The following SLC71A2 variants were observed in gnomAD, a reference collection of about 807,000 sequenced individuals.
SLC71A2 encodes hippocampus abundant transcript-like 1.
the SLC71A2 span, among the ~76,000 whole-genome samples, chr9:94,377,186 T>C: frequency 1.3e-5 from 2 of 151,662 alleles, no homozygotes; most frequent in South Asian, 2.1e-4. Flanking sequence ...AATTATGTGT[T>C]TTTCCTGTTT....
the SLC71A2 span, chr9:94,445,296 TAAAAATAGA>T: frequency 1.2e-6 from 1 of 849,018 alleles, no homozygotes; most frequent in South Asian, 1.8e-5. Flanking sequence ...ATTTCTTTAG[TAAAAATAGA>T]AAAAATTAAT....
At chr9:94,424,246 G>GC in the SLC71A2 span, among the ~76,000 whole-genome samples, 1 of 148,878 alleles carries the variant, frequency 6.7e-6, no homozygotes, top group African/African-American at 2.5e-5. Flanking sequence ...TTTTGGCGGA[G>GC]GGGGGAGCAA....
At chr9:94,416,851 T>C in the SLC71A2 span, among the ~76,000 whole-genome samples, 1 of 98,888 alleles carries the variant, frequency 1.0e-5, no homozygotes, top group Non-Finnish European at 2.0e-5. Flanking sequence ...CAAAACTCCA[T>C]CTCAAAAAAA....
the SLC71A2 span, among the ~76,000 whole-genome samples, chr9:94,392,020 C>T: frequency 6.6e-6 from 1 of 152,148 alleles, no homozygotes; most frequent in Non-Finnish European, 1.5e-5. Flanking sequence ...GCCTTCCCCC[C>T]ACCCCCTTTA....
chr9:94,391,651 G>T, the SLC71A2 span, among the ~76,000 whole-genome samples: 103 of 150,156 alleles, frequency 6.9e-4, 1 homozygote, highest in Admixed American at 2.6e-3. Flanking sequence ...ACTTTGGGAG[G>T]TTGAGGCGGG....
the SLC71A2 span, among the ~76,000 whole-genome samples, chr9:94,384,938 G>C: frequency 1.4e-4 from 21 of 151,798 alleles, no homozygotes; most frequent in Non-Finnish European, 2.5e-4. Flanking sequence ...ATAAAATAAT[G>C]AGTTTGGCTC....
At chr9:94,410,375 T>A in the SLC71A2 span, among the ~76,000 whole-genome samples, 2 of 151,406 alleles carry the variant, frequency 1.3e-5, no homozygotes, top group East Asian at 3.9e-4. Context: ...AGTGCCAGGA[T>A]TACTGGCATG....
chr9:94,431,372 A>G, the SLC71A2 span, among the ~76,000 whole-genome samples: 1 of 151,928 alleles, frequency 6.6e-6, no homozygotes, highest in Non-Finnish European at 1.5e-5. Flanking sequence ...GTAGTTCGTT[A>G]TTTTCATAGC....
chr9:94,433,058 C>G, the SLC71A2 span: 1 of 403,872 alleles, frequency 2.5e-6, no homozygotes. Flanking sequence ...TCAGGAGCTC[C>G]TGGGGTGCTA....
At chr9:94,398,497 T>C in the SLC71A2 span, among the ~76,000 whole-genome samples, 4 of 152,180 alleles carry the variant, frequency 2.6e-5, no homozygotes, top group Non-Finnish European at 4.4e-5. Context: ...GTCTGAGTCT[T>C]GAAGACCTTC....
chr9:94,451,689 T>C, the SLC71A2 span, among the ~76,000 whole-genome samples: 3 of 152,342 alleles, frequency 2.0e-5, no homozygotes, highest in Non-Finnish European at 4.4e-5. Flanking sequence ...TAGTATAATA[T>C]CAGATCAAGA....
chr9:94,407,453 A>C, the SLC71A2 span, among the ~76,000 whole-genome samples: 1 of 149,904 alleles, frequency 6.7e-6, no homozygotes, highest in East Asian at 2.0e-4. Context: ...ATCTCAGCTC[A>C]CTGCAACCTC....
At chr9:94,447,480 TG>T in the SLC71A2 span, among the ~76,000 whole-genome samples, 457 of 71,872 alleles carry the variant, frequency 6.4e-3, 3 homozygotes, top group African/African-American at 0.017. Context: ...GTGCCCAGCC[TG>T]TTTTTTTTTT....
At chr9:94,435,647 CTTCTTTTT>C in the SLC71A2 span, among the ~76,000 whole-genome samples, 925 of 77,972 alleles carry the variant, frequency 0.012, no homozygotes, top group Middle Eastern at 0.029. Flanking sequence ...CTTTTTCCTT[CTTCTTTTT>C]TTTTTTTTTT....
chr9:94,411,560 A>C, the SLC71A2 span, among the ~76,000 whole-genome samples: 3 of 151,704 alleles, frequency 2.0e-5, no homozygotes, highest in African/African-American at 4.8e-5. Flanking sequence ...GCAGGATTCT[A>C]AGTTAATTAT....
the SLC71A2 span, among the ~76,000 whole-genome samples, chr9:94,404,386 C>T: frequency 2.6e-5 from 4 of 152,114 alleles, no homozygotes; most frequent in East Asian, 3.9e-4. Context: ...AACTCCGCCT[C>T]CCGGATTCAA....
chr9:94,402,414 A>G, the SLC71A2 span, among the ~76,000 whole-genome samples: 260 of 152,264 alleles, frequency 1.7e-3, 5 homozygotes, highest in Non-Finnish European at 2.8e-4. Flanking sequence ...TTTTTAATAT[A>G]TATTCACGGT....
At chr9:94,459,448 C>G in the SLC71A2 span, 1 of 1,609,154 alleles carries the variant, frequency 6.2e-7, no homozygotes, top group Non-Finnish European at 8.5e-7. Context: ...TACGCCATCT[C>G]TGAGAGCCAT....
At chr9:94,460,955 G>C in the SLC71A2 span, 1 of 151,498 alleles carries the variant, frequency 6.6e-6, no homozygotes, top group Non-Finnish European at 1.5e-5. Context: ...AAATAGTATT[G>C]CTCTTTTGGG....
Sources: gnomAD v4.1 joint callset for allele counts (sites outside exome capture counted in the v4.1 genomes callset) on GRCh38, gnomAD v4.1.1 for gene constraint, MANE v1.5 for transcripts, NCBI Gene and HGNC (gene_info 2026-07-23, HGNC 2026-07-21) for gene names.